PIP5K1B: variants seen among roughly 807,000 people sequenced by gnomAD.
PIP5K1B encodes phosphatidylinositol-4-phosphate 5-kinase type 1 beta.
In PIP5K1B, 42 loss-of-function variants were observed where a neutral mutation model predicts 67.0. The observed-to-expected ratio is 0.63, with a 90% CI of 0.49 to 0.81. The LOEUF (loss-of-function observed/expected upper bound fraction) is 0.81. Ranked by LOEUF, PIP5K1B falls within the 30% of genes least tolerant of loss-of-function variation. The pLI is 0.00. For synonymous variants in PIP5K1B, 214 were observed against 231.4 expected (o/e 0.92, Z 0.68); for missense variants, 459 against 646.3 (o/e 0.71, Z 3.14).
chr9:68,808,386 CT>C lies in PIP5K1B; in HGVS notation c.-85-10074del, dbSNP rs1051356862. The stretch of plus-strand genomic sequence containing the variant: ...AATATCATGACTATCTAACTAATTA[CT>C]CCCCCCGACTCCCAGCTTCCCCACC... On this transcript the variant is annotated intron_variant, in intron 2 of 15. Coordinates refer to ENST00000265382, the MANE Select transcript of PIP5K1B (RefSeq NM_003558.4). Among the ~76,000 whole-genome samples the C allele has an allele frequency of 1.1e-4, 15 of 138,830 alleles. No homozygotes were observed. In the East Asian group the frequency reaches 2.5e-3, roughly 23 times the overall value. 91.1% of individuals were successfully genotyped at this position (138,830 alleles called of 152,430 possible). A position where few individuals can be genotyped will look rare whatever the true frequency, so the allele number is the denominator to read the frequency against.
rs71500334 is a variant in PIP5K1B, at chr9:68,753,515, C to CTTTTTTTTTT, written c.-86+10876_-86+10885dup. ...CCACCATGCCCGGCTAATTTTGTTTCTTTTTTTTTTTTTTTTTTTTTTTTT... is the reference window on the plus strand; with the variant it reads ...CCACCATGCCCGGCTAATTTTGTTTCTTTTTTTTTTTTTTTTTTTTTTTTTTTTTTTTTTT... On this transcript the variant is annotated intron_variant, in intron 2 of 15. Coordinates refer to ENST00000265382, the MANE Select transcript of PIP5K1B (RefSeq NM_003558.4). Among the ~76,000 whole-genome samples, 9 of 38,276 alleles carry CTTTTTTTTTT rather than the reference C, an allele frequency of 2.4e-4. 1 individual carries two copies. Among genetic ancestry groups the CTTTTTTTTTT allele is most frequent in the Non-Finnish European group, 3.4e-4 (8 of 23,672 alleles). 25.1% of individuals were successfully genotyped at this position (38,276 alleles called of 152,430 possible).
rs148985279 is a variant in PIP5K1B, at chr9:68,807,625, G to A, written c.-85-10836G>A. Among the ~76,000 whole-genome samples the A allele has an allele frequency of 5.3e-3, 808 of 152,272 alleles. 3 individuals are homozygous for A. The highest frequency in any genetic ancestry group is 0.018 in the African/African-American group (733 of 41,544). Reference sequence around the variant, plus strand: ...ACATAAACGCAGAAATACTTTGCAGGCTGCTACAGGAACAAAGGCAAACAG... The same window carrying A: ...ACATAAACGCAGAAATACTTTGCAGACTGCTACAGGAACAAAGGCAAACAG... On this transcript the variant is annotated intron_variant, in intron 2 of 15. Coordinates refer to ENST00000265382, the MANE Select transcript of PIP5K1B (RefSeq NM_003558.4).
At chr9:68,934,471 C>A (rs888879164) in intron 12 of PIP5K1B, among the ~76,000 whole-genome samples, 1 of 152,108 alleles carries the variant, frequency 6.6e-6, no homozygotes, top group African/African-American at 2.4e-5. Flanking sequence ...GTTAATAAAA[C>A]CAGGGTCGTG....
intron 2 of PIP5K1B, chr9:68,781,715 ATAAC>A (rs1206262151): frequency 6.0e-6 from 1 of 166,700 alleles, no homozygotes; most frequent in Non-Finnish European, 1.5e-5. Context: ...TCATACAACT[ATAAC>A]TACTATAGAG....
chr9:68,755,289 C>A (rs1040591844), intron 2 of PIP5K1B, among the ~76,000 whole-genome samples: 3 of 152,186 alleles, frequency 2.0e-5, no homozygotes, highest in Non-Finnish European at 4.4e-5. Flanking sequence ...TACTACTGAT[C>A]TGTGTTTTTG....
intron 12 of PIP5K1B, among the ~76,000 whole-genome samples, chr9:68,933,383 C>G (rs939206203): frequency 3.3e-5 from 5 of 152,132 alleles, no homozygotes; most frequent in Admixed American, 6.5e-5. Flanking sequence ...ACAAGTGTAA[C>G]CACTGTTTGA....
At chr9:68,968,885 C>T (rs139966692) in intron 14 of PIP5K1B, among the ~76,000 whole-genome samples, 4 of 152,184 alleles carry the variant, frequency 2.6e-5, no homozygotes, top group African/African-American at 9.6e-5. Context: ...TTCACTCTGC[C>T]TGTCTTGCCT....
chr9:68,736,748 T>C (rs1828757537), intron 1 of PIP5K1B, among the ~76,000 whole-genome samples: 1 of 152,202 alleles, frequency 6.6e-6, no homozygotes, highest in Non-Finnish European at 1.5e-5. Flanking sequence ...TGTCTCCCAC[T>C]TCTACACACT....
At chr9:68,823,263 G>C (rs1833818378) in intron 4 of PIP5K1B, among the ~76,000 whole-genome samples, 1 of 152,114 alleles carries the variant, frequency 6.6e-6, no homozygotes, top group Non-Finnish European at 1.5e-5. Flanking sequence ...TAGAGCATGG[G>C]AATCTTTGGG....
chr9:68,919,459 C>T lies in PIP5K1B; in HGVS notation c.984-20C>T, dbSNP rs1329222189. 2.4e-6 allele frequency: 3 copies of T among 1,265,716 alleles called. No individual in the cohort carries two copies. Among genetic ancestry groups the T allele is most frequent in the South Asian group, 2.7e-5 (2 of 74,372 alleles). The allele number at this position is 1,265,716 out of a possible 1,614,324, so 78.4% of individuals were successfully genotyped here. On this transcript the variant is annotated intron_variant, in intron 9 of 15. Coordinates refer to ENST00000265382, the MANE Select transcript of PIP5K1B (RefSeq NM_003558.4). ...CTTATAATATGTAATCAAATATTTT[C>T]TCTTTTGCTCCATCAACAGAATGGG...
At chr9:68,992,830 A>G (rs1329246692) in intron 15 of PIP5K1B, among the ~76,000 whole-genome samples, 3 of 107,810 alleles carry the variant, frequency 2.8e-5, no homozygotes, top group African/African-American at 1.2e-4. Flanking sequence ...ACAGAGCATG[A>G]CCCTGTCTCA....
At chr9:68,760,842 TG>T (rs1367020677) in intron 2 of PIP5K1B, among the ~76,000 whole-genome samples, 1 of 152,112 alleles carries the variant, frequency 6.6e-6, no homozygotes. Flanking sequence ...TGGCAGGGGA[TG>T]GAAAGGTATT....
intron 1 of PIP5K1B, among the ~76,000 whole-genome samples, chr9:68,708,800 A>G (rs1827249409): frequency 6.6e-6 from 1 of 152,190 alleles, no homozygotes; most frequent in Admixed American, 6.5e-5. Flanking sequence ...TTATATACAG[A>G]CAAGTAGTGT....
At chr9:68,942,006 TCTG>T (rs1363501856) in intron 14 of PIP5K1B, among the ~76,000 whole-genome samples, 2 of 152,220 alleles carry the variant, frequency 1.3e-5, no homozygotes, top group African/African-American at 4.8e-5. Flanking sequence ...TTTGCACTGT[TCTG>T]CTCTAAGGGC....
intron 14 of PIP5K1B, among the ~76,000 whole-genome samples, chr9:68,959,841 G>A (rs10114872): frequency 0.23 from 34,271 of 151,952 alleles, 4,602 homozygotes; most frequent in East Asian, 0.52. Context: ...GTTCAGACGC[G>A]TCGGATATTT....
chr9:68,980,562 T>C (rs995404013), intron 14 of PIP5K1B, among the ~76,000 whole-genome samples: 3 of 152,204 alleles, frequency 2.0e-5, no homozygotes, highest in Non-Finnish European at 2.9e-5. Flanking sequence ...TGTTTGCTTA[T>C]CCCAAAGAGC....
chr9:68,813,365 T>C (rs1833268731), intron 2 of PIP5K1B, among the ~76,000 whole-genome samples: 1 of 152,218 alleles, frequency 6.6e-6, no homozygotes. Flanking sequence ...GTGTTGACTA[T>C]GAGGAGATAT....
chr9:69,000,029 T>C (rs1830750264), intron 15 of PIP5K1B, among the ~76,000 whole-genome samples: 1 of 152,108 alleles, frequency 6.6e-6, no homozygotes, highest in Non-Finnish European at 1.5e-5. Flanking sequence ...ACCTTTCAAG[T>C]TGGACTGGAG....
intron 4 of PIP5K1B, among the ~76,000 whole-genome samples, chr9:68,833,499 C>T (rs1462885658): frequency 6.6e-6 from 1 of 152,124 alleles, no homozygotes; most frequent in African/African-American, 2.4e-5. Flanking sequence ...CCCCAGGAGA[C>T]ATTAGACAGT....
Sources: allele counts gnomAD v4.1 joint callset (sites outside exome capture counted in the v4.1 genomes callset), GRCh38; gene constraint gnomAD v4.1.1; transcripts MANE v1.5; gene names NCBI Gene and HGNC (gene_info 2026-07-23, HGNC 2026-07-21).